NCBP3: variants seen among roughly 807,000 people sequenced by gnomAD.
NCBP3 encodes the protein nuclear cap binding subunit 3.
A neutral mutation model predicts 75.7 loss-of-function variants in NCBP3; 20 were observed. That is an observed-to-expected ratio of 0.26 (90% confidence interval 0.19 to 0.38). The LOEUF is 0.38. Ranked by LOEUF, NCBP3 falls within the 10% of genes least tolerant of loss-of-function variation. The pLI, the probability that NCBP3 is intolerant of heterozygous loss-of-function variation, is 1.00. For missense variants in NCBP3, 678 were observed against 796.9 expected, an observed-to-expected ratio of 0.85 and a Z score of 1.80; for synonymous variants, 293 against 290.5, an observed-to-expected ratio of 1.01 and a Z score of -0.09.
intron 10 of NCBP3, among the ~76,000 whole-genome samples, chr17:3,817,858 C>T (rs921128855): frequency 6.6e-6 from 1 of 152,104 alleles, no homozygotes; most frequent in Admixed American, 6.6e-5. Flanking sequence ...ATAATGTCTA[C>T]AATATATTAA....
Position 3,812,083 on chromosome 17 carries a change from G to A in NCBP3, c.*961C>T, listed in dbSNP as rs1289732415. 1 of 152,042 alleles carries A rather than the reference G, an allele frequency of 6.6e-6. No individual in the cohort carries two copies. The highest frequency in any genetic ancestry group is 1.5e-5 in the Non-Finnish European group (1 of 68,028). The allele number at this position is 152,042 out of a possible 1,614,324, so 9.4% of individuals were successfully genotyped here. A position where few individuals can be genotyped will look rare whatever the true frequency, so the allele number is the denominator to read the frequency against. Reference sequence around the variant, plus strand: ...AGCCAAAAAACAAGCTGAACTCTATGTACAACAGACAGACTATACAACTAG... The same window carrying A: ...AGCCAAAAAACAAGCTGAACTCTATATACAACAGACAGACTATACAACTAG... On this transcript the variant is annotated 3_prime_UTR_variant, in exon 13 of 13. Transcript: ENST00000389005.
In NCBP3 at chr17:3,805,234, A is replaced by C. The variant is rs1405540552; in HGVS notation, c.*7810T>G. 2.6e-5 allele frequency: 4 copies of C among 152,146 alleles called. No individual in the cohort carries two copies. The highest frequency in any genetic ancestry group is 9.7e-5 in the African/African-American group (4 of 41,428). The allele number at this position is 152,146 out of a possible 1,614,324, so 9.4% of individuals were successfully genotyped here. ...CCCGCCTCGGCCTCCCAAAGTGCTG[A>C]GACTACAGGTGTGAGCCACGTGCCC... On this transcript the variant is annotated 3_prime_UTR_variant, in exon 13 of 13. Transcript: ENST00000389005.
chr17:3,831,884 T>A (rs1450742653), intron 3 of NCBP3, among the ~76,000 whole-genome samples: 1 of 121,980 alleles, frequency 8.2e-6, no homozygotes, highest in African/African-American at 2.5e-5. Context: ...TGTTTGTAAC[T>A]CAATAAAAGC....
At position 3,803,675 on chromosome 17, in the gene NCBP3, C is replaced by T. The variant is rs190244606; in HGVS notation, c.*9369G>A. The T allele has an allele frequency of 6.6e-6, 1 of 152,156 alleles. No homozygotes were observed. The highest frequency in any genetic ancestry group is 1.9e-4 in the East Asian group (1 of 5,176). The allele number at this position is 152,156 out of a possible 1,614,324, so 9.4% of individuals were successfully genotyped here. A position where few individuals can be genotyped will look rare whatever the true frequency, so the allele number is the denominator to read the frequency against. The stretch of plus-strand genomic sequence containing the variant: ...TGTGGCAAAATGTTCTTTGTTGTAC[C>T]CTTCAAACTGCTGTGATTTTGAAAT... On this transcript the variant is annotated 3_prime_UTR_variant, in exon 13 of 13. Coordinates refer to ENST00000389005, the MANE Select transcript of NCBP3 (RefSeq NM_001114118.3).
chr17:3,836,513 C>G (rs1007718338), intron 3 of NCBP3, among the ~76,000 whole-genome samples: 1 of 151,676 alleles, frequency 6.6e-6, no homozygotes, highest in African/African-American at 2.4e-5. Flanking sequence ...ATTGGCTGGC[C>G]GTGGTGGCAG....
chr17:3,823,023 C>G (rs893003094), intron 7 of NCBP3: 1 of 152,204 alleles, frequency 6.6e-6, no homozygotes, highest in Non-Finnish European at 1.5e-5. Flanking sequence ...AATTAAAATA[C>G]TGATATTAGG....
rs2053323801 is a variant in NCBP3, at chr17:3,805,159, G to C, written c.*7885C>G. 1 of 152,198 alleles carries C rather than the reference G, an allele frequency of 6.6e-6. No homozygotes were observed. Among genetic ancestry groups the C allele is most frequent in the African/African-American group, 2.4e-5 (1 of 41,416 alleles). The allele number at this position is 152,198 out of a possible 1,614,324, so 9.4% of individuals were successfully genotyped here. ...TTTTTGTATTTTTAGTAGAGACGGG[G>C]TTTCACCATGTTGGCCAGGCTGGTC... On this transcript the variant is annotated 3_prime_UTR_variant, in exon 13 of 13. Transcript: ENST00000389005.
At chr17:3,830,885 T>C (rs1478384542) in intron 3 of NCBP3, among the ~76,000 whole-genome samples, 1 of 148,886 alleles carries the variant, frequency 6.7e-6, no homozygotes, top group Non-Finnish European at 1.5e-5. Context: ...GCCCAGCCAA[T>C]TGCGTACTTT....
chr17:3,842,963 G>T (rs1235530365), intron 2 of NCBP3, 123 bp downstream of exon 2: 2 of 909,918 alleles, frequency 2.2e-6, no homozygotes, highest in Non-Finnish European at 3.3e-6. Flanking sequence ...ATTTTTTTTA[G>T]AAAAAAAATT....
chr17:3,824,411 CATACACATACATACAT>C (rs2053738301), intron 7 of NCBP3: 1 of 150,410 alleles, frequency 6.6e-6, no homozygotes, highest in South Asian at 2.2e-4. Flanking sequence ...CATATATACA[CATACACATACATACAT>C]ATACATACAT....
At chr17:3,817,661 C>A (rs1246254369) in intron 10 of NCBP3, among the ~76,000 whole-genome samples, 1 of 152,022 alleles carries the variant, frequency 6.6e-6, no homozygotes, top group South Asian at 2.1e-4. Flanking sequence ...AAAAACCCTT[C>A]TGGAAAAAAA....
Position 3,846,113 on chromosome 17 carries a change from C to T in NCBP3, c.111G>A (p.Pro37=). ...EAESGVDRGE[P]EPMEVEEGEL... ...CGCCCTCCTCCACCTCCATGGGCTC[C>T]GGCTCGCCACGGTCAACACCGGACT... The change falls in exon 1 of 13, where the codon CCG becomes CCA. Residue 37 remains proline (P), a synonymous_variant. Coordinates refer to ENST00000389005, the MANE Select transcript of NCBP3 (RefSeq NM_001114118.3). This position sits in a 1 kb window ranked among gnomAD's most constrained non-coding sequence, Gnocchi z 4.6. The T allele has an allele frequency of 6.5e-7, 1 of 1,548,292 alleles. No individual in the cohort carries two copies. Among genetic ancestry groups the T allele is most frequent in the Non-Finnish European group, 8.7e-7 (1 of 1,145,676 alleles).
chr17:3,836,595 G>T (rs1176468729), intron 3 of NCBP3, among the ~76,000 whole-genome samples: 1 of 147,660 alleles, frequency 6.8e-6, no homozygotes, highest in Non-Finnish European at 1.5e-5. Flanking sequence ...GGAGGTTATA[G>T]TGAGCCAAGA....
At chr17:3,827,422 G>C (rs1318024907) in intron 4 of NCBP3, among the ~76,000 whole-genome samples, 1 of 152,214 alleles carries the variant, frequency 6.6e-6, no homozygotes. Context: ...ATTGGAAAAC[G>C]TGGATGATGA....
chr17:3,821,595 G>C lies in NCBP3; in HGVS notation c.897-243C>G, dbSNP rs141716765. Among the ~76,000 whole-genome samples the C allele has an allele frequency of 7.3e-3, 1,115 of 152,152 alleles. 4 individuals are homozygous for C. The highest frequency in any genetic ancestry group is 0.011 in the Non-Finnish European group (742 of 67,972). Reference sequence around the variant, plus strand: ...CCACCACCATGCATGGCTAATTTTTGTATTTTTAGTAGAGACGGGGTTTCA... The same window carrying C: ...CCACCACCATGCATGGCTAATTTTTCTATTTTTAGTAGAGACGGGGTTTCA... On this transcript the variant is annotated intron_variant, in intron 8 of 12. Coordinates refer to ENST00000389005, the MANE Select transcript of NCBP3 (RefSeq NM_001114118.3).
chr17:3,845,275 T>C (rs1483676665), intron 1 of NCBP3, among the ~76,000 whole-genome samples: 3 of 152,178 alleles, frequency 2.0e-5, no homozygotes, highest in Non-Finnish European at 4.4e-5. Flanking sequence ...TCTAAATATG[T>C]TGACATGTGG....
intron 4 of NCBP3, 24 bp downstream of exon 4, chr17:3,829,219 C>T: frequency 1.3e-6 from 2 of 1,550,312 alleles, no homozygotes; most frequent in Non-Finnish European, 1.7e-6. Flanking sequence ...AAAGCATATT[C>T]ACAGGAAACT....
At chr17:3,836,431 G>A (rs2053972351) in intron 3 of NCBP3, among the ~76,000 whole-genome samples, 1 of 152,044 alleles carries the variant, frequency 6.6e-6, no homozygotes. Context: ...GAGGCGGGTG[G>A]ATCACAAGGT....
At position 3,814,376 on chromosome 17, in the gene NCBP3, C is replaced by T. The variant is rs938263441; in HGVS notation, c.1573G>A (p.Val525Ile). The T allele has an allele frequency of 1.9e-6, 3 of 1,614,098 alleles. No homozygotes were observed. The African/African-American group carries it at 4.0e-5, about 22-fold the overall frequency. Reference sequence around the variant, plus strand: ...AGGCCTTTACTATCCTGCCTGGGAACACCTAGCCTACTATGCACATCAGAA... The same window carrying T: ...AGGCCTTTACTATCCTGCCTGGGAATACCTAGCCTACTATGCACATCAGAA... ...PSSDVHSRLG[V>I]PRQDSKGLYA... The change falls in exon 12 of 13, where the codon GTT (valine) becomes ATT (isoleucine). Residue 525 changes from valine to isoleucine, a missense_variant. Val to Ile is a conservative substitution (Grantham distance 29, BLOSUM62 3). Around this residue, in one of 7 missense-constraint regions of NCBP3, gnomAD observed 365 missense variants for 392.7 expected, o/e 0.93. Coordinates refer to ENST00000389005, the MANE Select transcript of NCBP3 (RefSeq NM_001114118.3).
Sources: gnomAD v4.1 joint callset for allele counts (sites outside exome capture counted in the v4.1 genomes callset) on GRCh38, gnomAD v4.1.1 for gene constraint, gnomAD v4.1.1 regional missense constraint, Gnocchi (gnomAD v3.1) non-coding constraint, MANE v1.5 for transcripts, NCBI Gene and HGNC (gene_info 2026-07-23, HGNC 2026-07-21) for gene names.